ELF1: variants seen among roughly 807,000 people sequenced by gnomAD.
ELF1 encodes ETS-related transcription factor Elf-1.
A neutral mutation model predicts 59.9 loss-of-function variants in ELF1; 24 were observed. The ratio of observed to expected loss-of-function variants is 0.40; its 90% CI spans 0.29 to 0.56. The LOEUF is 0.56. Among genes scored for constraint, ELF1 ranks in the 20% least tolerant of loss-of-function variants. The probability of loss-of-function intolerance (pLI) is 0.44; values close to 1 mark genes in which losing one functional copy is unlikely to be tolerated. For missense variants in ELF1, 627 were observed against 742.2 expected (o/e 0.84, Z 1.80); for synonymous variants, 248 against 266.2 (o/e 0.93, Z 0.67).
chr13:41,058,015 C>A (rs2138443263), intron 1 of ELF1, among the ~76,000 whole-genome samples: 1 of 152,304 alleles, frequency 6.6e-6, no homozygotes, highest in Admixed American at 6.5e-5. Flanking sequence ...CTATTAATTA[C>A]AAATTAATAT....
At chr13:40,939,552 A>C (rs1870002853) in intron 8 of ELF1, among the ~76,000 whole-genome samples, 1 of 152,096 alleles carries the variant, frequency 6.6e-6, no homozygotes, top group South Asian at 2.1e-4. Context: ...CCAACCAGAC[A>C]CCCAGTCATC....
intron 1 of ELF1, among the ~76,000 whole-genome samples, chr13:41,012,950 T>A (rs1329227897): frequency 6.6e-6 from 1 of 152,222 alleles, no homozygotes; most frequent in Non-Finnish European, 1.5e-5. Flanking sequence ...TTTATATGCA[T>A]AATTGGGAAC....
intron 1 of ELF1, among the ~76,000 whole-genome samples, chr13:41,055,752 A>G (rs1877264667): frequency 6.6e-6 from 1 of 151,596 alleles, no homozygotes; most frequent in Non-Finnish European, 1.5e-5. Flanking sequence ...TGGTGCGATC[A>G]TAGCTCACTG....
At chr13:41,050,390 C>T (rs1223849088) in intron 1 of ELF1, among the ~76,000 whole-genome samples, 1 of 152,166 alleles carries the variant, frequency 6.6e-6, no homozygotes, top group African/African-American at 2.4e-5. Flanking sequence ...CACACTTTAA[C>T]CATTCATCCA....
chr13:40,955,889 A>T (rs71425016), intron 3 of ELF1, among the ~76,000 whole-genome samples: 4 of 89,802 alleles, frequency 4.5e-5, no homozygotes, highest in African/African-American at 1.4e-4. Flanking sequence ...CACCCCATCC[A>T]GGAGGGAGGC....
intron 2 of ELF1, among the ~76,000 whole-genome samples, chr13:40,978,662 T>C (rs866880402): frequency 6.6e-6 from 1 of 151,838 alleles, no homozygotes; most frequent in Non-Finnish European, 1.5e-5. Flanking sequence ...CAAAAGGATA[T>C]ATTAATAAGT....
intron 1 of ELF1, among the ~76,000 whole-genome samples, chr13:41,052,617 A>G: frequency 6.6e-6 from 1 of 151,880 alleles, no homozygotes; most frequent in East Asian, 1.9e-4. Flanking sequence ...TTAGAAAGCC[A>G]AGGCGGGAAG....
chr13:40,977,765 T>G (rs538300319), intron 2 of ELF1, among the ~76,000 whole-genome samples: 3 of 152,196 alleles, frequency 2.0e-5, no homozygotes, highest in African/African-American at 7.2e-5. Context: ...TATTCCAATT[T>G]GGGGGGAGGA....
At chr13:41,026,960 C>T (rs554877365) in intron 1 of ELF1, among the ~76,000 whole-genome samples, 12 of 152,250 alleles carry the variant, frequency 7.9e-5, no homozygotes, top group Admixed American at 3.3e-4. Context: ...TGGTTCTGCA[C>T]GACATGCGAG....
chr13:41,004,599 G>A (rs1874639558), intron 1 of ELF1, among the ~76,000 whole-genome samples: 1 of 151,980 alleles, frequency 6.6e-6, no homozygotes, highest in Non-Finnish European at 1.5e-5. Flanking sequence ...TACCAAGTAA[G>A]AATTTACTTG....
At chr13:41,028,661 G>A (rs1876043906) in intron 1 of ELF1, among the ~76,000 whole-genome samples, 1 of 152,144 alleles carries the variant, frequency 6.6e-6, no homozygotes. Context: ...ATATCTTTGT[G>A]TTCTTTCCTC....
chr13:40,967,887 C>A (rs771626949), intron 2 of ELF1, among the ~76,000 whole-genome samples: 1 of 152,094 alleles, frequency 6.6e-6, no homozygotes, highest in Admixed American at 6.6e-5. Flanking sequence ...GCCACCATGC[C>A]TTGTCCTTTT....
chr13:40,970,660 T>C (rs1245016200), intron 2 of ELF1, among the ~76,000 whole-genome samples: 2 of 152,242 alleles, frequency 1.3e-5, no homozygotes, highest in Non-Finnish European at 1.5e-5. Context: ...CAAGAAAACA[T>C]ACTTGTCTCT....
At chr13:41,039,064 T>G (rs1593407874) in intron 1 of ELF1, among the ~76,000 whole-genome samples, 1 of 125,774 alleles carries the variant, frequency 8.0e-6, no homozygotes, top group African/African-American at 3.0e-5. Flanking sequence ...GAAAAAAAAG[T>G]AAAGGAAAAG....
At chr13:41,041,933 AG>A (rs1244233576) in intron 1 of ELF1, among the ~76,000 whole-genome samples, 4 of 152,234 alleles carry the variant, frequency 2.6e-5, no homozygotes, top group Non-Finnish European at 5.9e-5. Context: ...GTCAGTGGGA[AG>A]GTCATATTTG....
chr13:40,954,864 C>G, intron 3 of ELF1, among the ~76,000 whole-genome samples: 1 of 140,742 alleles, frequency 7.1e-6, no homozygotes, highest in Non-Finnish European at 1.6e-5. Context: ...TCTGCCCGGC[C>G]GCCACCCCGT....
At chr13:41,007,847 G>A (rs73469288) in intron 1 of ELF1, among the ~76,000 whole-genome samples, 1,571 of 152,214 alleles carry the variant, frequency 0.01, 24 homozygotes, top group African/African-American at 0.034. Context: ...ACCCTTTCAG[G>A]GGGCTCCTGA....
At chr13:41,002,718 T>C (rs1874533720) in intron 1 of ELF1, among the ~76,000 whole-genome samples, 1 of 151,454 alleles carries the variant, frequency 6.6e-6, no homozygotes, top group Admixed American at 6.6e-5. Flanking sequence ...GGGAGAAGGG[T>C]AGGAAAGCAA....
intron 2 of ELF1, among the ~76,000 whole-genome samples, chr13:40,972,286 A>G (rs570800126): frequency 6.6e-6 from 1 of 152,196 alleles, no homozygotes; most frequent in Non-Finnish European, 1.5e-5. Flanking sequence ...GTGGTACTCC[A>G]AAAAAACTGA....
Sources: gnomAD v4.1 joint callset for allele counts (sites outside exome capture counted in the v4.1 genomes callset) on GRCh38, gnomAD v4.1.1 for gene constraint, MANE v1.5 for transcripts, NCBI Gene and HGNC (gene_info 2026-07-23, HGNC 2026-07-21) for gene names.